The following OC90 variants were observed in gnomAD, a reference collection of about 807,000 sequenced individuals.
OC90 encodes the protein otoconin 90.
In OC90, 46 loss-of-function variants were observed where a neutral mutation model predicts 47.3. The ratio of observed to expected loss-of-function variants is 0.97; its 90% CI spans 0.77 to 1.24. The LOEUF is 1.24. OC90 is among the 50% of genes most tolerant of loss of function. The probability of loss-of-function intolerance (pLI) is 0.00; values close to 1 mark genes in which losing one functional copy is unlikely to be tolerated. For synonymous variants in OC90, 271 were observed against 219.5 expected, an observed-to-expected ratio of 1.23 and a Z score of -2.07; for missense variants, 688 against 583.9, an observed-to-expected ratio of 1.18 and a Z score of -1.84.
intron 2 of OC90, chr8:132,049,714 T>A (rs541541387): frequency 3.7e-5 from 17 of 459,638 alleles, no homozygotes; most frequent in Admixed American, 2.6e-4. Flanking sequence ...TTTAGCTATA[T>A]AACCTTCTTC....
At chr8:132,034,939 T>C in intron 9 of OC90, 105 bp from the exon 10 acceptor site, 1 of 761,284 alleles carries the variant, frequency 1.3e-6, no homozygotes, top group Non-Finnish European at 2.3e-6. Context: ...CCATGTGCTC[T>C]TCACTCTGCC....
At chr8:132,029,233 C>A in intron 12 of OC90, 54 bp from the exon 13 acceptor site, 1 of 1,390,336 alleles carries the variant, frequency 7.2e-7, no homozygotes, top group Admixed American at 1.7e-5. Flanking sequence ...CCCTAGGAAC[C>A]CCCTCAAGCA....
chr8:132,052,378 C>T lies in OC90; in HGVS notation c.46+2603G>A, dbSNP rs551638141. ...AATAACCAGCAGCTAAGAATATCTG[C>T]GGCCCACTTCAGCAGCAATAGTAAA... On this transcript the variant is annotated intron_variant, in intron 2 of 13. Transcript: ENST00000254627. Among the ~76,000 whole-genome samples, 15 of 152,308 alleles carry T rather than the reference C, an allele frequency of 9.8e-5. No homozygotes were observed. The South Asian group carries it at 1.5e-3, about 15-fold the overall frequency.
At chr8:132,042,957 A>T (rs1415503128) in intron 4 of OC90, among the ~76,000 whole-genome samples, 5 of 152,262 alleles carry the variant, frequency 3.3e-5, no homozygotes, top group African/African-American at 1.2e-4. Context: ...AAAAAGACAC[A>T]TGCATCTGTA....
intron 13 of OC90, among the ~76,000 whole-genome samples, chr8:132,028,718 A>AAGAAAGAAAGAAAGAAAGAAAGAG (rs1822818139): frequency 6.8e-6 from 1 of 147,948 alleles, no homozygotes; most frequent in African/African-American, 2.5e-5. Flanking sequence ...GAAAGAAAGA[A>AAGAAAGAAAGAAAGAAAGAAAGAG]AGAAAGAGAA....
At position 132,029,134 on chromosome 8, in the gene OC90, C is replaced by T. The variant is rs1314123021; in HGVS notation, c.1077G>A (p.Leu359=). Residue 359 remains leucine, a synonymous_variant, in exon 13 of 14, where the codon CTG becomes CTA. Coordinates refer to ENST00000254627, the MANE Select transcript of OC90 (RefSeq NM_001080399.3). ...HHCCLEQVRR[L]GCLLERLPWS... The stretch of plus-strand genomic sequence containing the variant: ...AAGGAAGCCTCTCAAGCAGGCAGCC[C>T]AGCCTTCTCACTTGCTCTAGGCAGC... 2 of 1,613,960 alleles carry T rather than the reference C, an allele frequency of 1.2e-6. No homozygotes were observed. The highest frequency in any genetic ancestry group is 2.2e-5 in the East Asian group (1 of 44,866).
rs1822930855 is a variant in OC90, at chr8:132,034,773, AGG to A, written c.733+6_733+7del. 1 of 1,601,990 alleles carries A rather than the reference AGG, an allele frequency of 6.2e-7. No homozygotes were observed. The highest frequency in any genetic ancestry group is 1.1e-5 in the South Asian group (1 of 90,360). On this transcript the variant is annotated splice_donor_region_variant and intron_variant, in intron 10 of 13. Transcript: ENST00000254627. ...TGAACATAGGCAGGTGGAGCCCAGTAGGCTTACCTGGAGGGGACGTAGCCCTA... is the reference window on the plus strand; with the variant it reads ...TGAACATAGGCAGGTGGAGCCCAGTACTTACCTGGAGGGGACGTAGCCCTA...
At chr8:132,056,540 T>C (rs1586718149) in intron 1 of OC90, among the ~76,000 whole-genome samples, 1 of 152,224 alleles carries the variant, frequency 6.6e-6, no homozygotes, top group African/African-American at 2.4e-5. Flanking sequence ...ACTGTCTCAT[T>C]GGTGCAACGC....
chr8:132,029,362 A>T (rs1480385609), intron 12 of OC90, among the ~76,000 whole-genome samples, 183 bp from the exon 13 acceptor site: 1 of 152,200 alleles, frequency 6.6e-6, no homozygotes, highest in Non-Finnish European at 1.5e-5. Flanking sequence ...TTCGGGTTGT[A>T]TACTGCACAA....
chr8:132,050,843 A>G (rs541081083), intron 2 of OC90, among the ~76,000 whole-genome samples: 47 of 152,132 alleles, frequency 3.1e-4, no homozygotes, highest in Non-Finnish European at 5.4e-4. Flanking sequence ...TCTACTAAAA[A>G]TACGAAATAA....
chr8:132,032,077 A>C, intron 11 of OC90, 25 bp from the exon 12 acceptor site: 1 of 1,609,840 alleles, frequency 6.2e-7, no homozygotes, highest in East Asian at 2.2e-5. Flanking sequence ...AATTGTCAGG[A>C]GAGCAAGGAC....
At chr8:132,057,911 C>A (rs1823296438) in intron 1 of OC90, among the ~76,000 whole-genome samples, 1 of 152,202 alleles carries the variant, frequency 6.6e-6, no homozygotes, top group Non-Finnish European at 1.5e-5. Flanking sequence ...ATGACCAGAC[C>A]CAGGTGGGCC....
chr8:132,034,828 C>T lies in OC90; in HGVS notation c.686G>A (p.Gly229Asp), dbSNP rs756081553. The change falls in exon 10 of 14, where the codon GGC becomes GAC. Residue 229 changes from glycine to aspartate, a missense_variant. By Grantham distance (94) the Gly-to-Asp change is moderately conservative (BLOSUM62 -1). Coordinates refer to ENST00000254627, the MANE Select transcript of OC90 (RefSeq NM_001080399.3). ...AGCTCCCACTCCTTCCTGATCGTGG[C>T]CTGCTTCTGTTCCCCAAAGAAGAGA... Reference protein sequence around the residue: ...SLTALSGEEAGHDQEGVGAAR... With the variant: ...SLTALSGEEADHDQEGVGAAR... 7.4e-6 allele frequency: 12 copies of T among 1,612,238 alleles called. No individual in the cohort carries two copies. Among genetic ancestry groups the T allele is most frequent in the Middle Eastern group, 1.6e-4 (1 of 6,082 alleles).
At chr8:132,035,828 G>A (rs892073992) in intron 9 of OC90, among the ~76,000 whole-genome samples, 1 of 152,182 alleles carries the variant, frequency 6.6e-6, no homozygotes, top group African/African-American at 2.4e-5. Flanking sequence ...AATGAGGATA[G>A]GCCTCCAAGG....
At chr8:132,038,052 C>T (rs1423916719) in intron 8 of OC90, among the ~76,000 whole-genome samples, 1 of 152,154 alleles carries the variant, frequency 6.6e-6, no homozygotes, top group East Asian at 1.9e-4. Context: ...GACTCCAGCT[C>T]CAGGAGAAGG....
chr8:132,052,865 T>C (rs1460679897), intron 2 of OC90, among the ~76,000 whole-genome samples: 2 of 152,238 alleles, frequency 1.3e-5, no homozygotes, highest in South Asian at 2.1e-4. Flanking sequence ...TACCATCTTA[T>C]AGACAATGAA....
chr8:132,050,961 T>C (rs4409386), intron 2 of OC90, among the ~76,000 whole-genome samples: 41,045 of 152,012 alleles, frequency 0.27, 6,053 homozygotes, highest in Non-Finnish European at 0.32. Flanking sequence ...GCCATTGCAC[T>C]CCAACCTGGG....
chr8:132,031,884 T>C lies in OC90; in HGVS notation c.1028A>G (p.Asp343Gly), dbSNP rs1009966320. ...TGTCACCGCTGGCTCTCCATACCTG[T>C]CTAGGTCATCCCTTGGCTCGCCTCT... ...EGRGEPRDDL[D>G]RCCLSHHCCL... Residue 343 changes from aspartate to glycine, a missense_variant, in exon 12 of 14, where the codon GAC becomes GGC. Transcript: ENST00000254627. 2.0e-5 allele frequency: 32 copies of C among 1,613,550 alleles called. No homozygotes were observed. Among genetic ancestry groups the C allele is most frequent in the Admixed American group, 3.3e-5 (2 of 59,992 alleles).
intron 5 of OC90, 115 bp downstream of exon 5, chr8:132,041,410 T>C: frequency 1.1e-6 from 1 of 894,772 alleles, no homozygotes. Flanking sequence ...AATTAAACCC[T>C]CTCCTGAGTC....
Sources: allele counts gnomAD v4.1 joint callset (sites outside exome capture counted in the v4.1 genomes callset), GRCh38; gene constraint gnomAD v4.1.1; transcripts MANE v1.5; gene names NCBI Gene and HGNC (gene_info 2026-07-23, HGNC 2026-07-21).